KDM4C: variants seen among roughly 807,000 people sequenced by gnomAD.
The protein encoded by KDM4C is lysine demethylase 4C, also known as lysine-specific demethylase 4C.
A neutral mutation model predicts 129.3 loss-of-function variants in KDM4C; 81 were observed. The observed-to-expected ratio is 0.63, with a 90% CI of 0.52 to 0.75. The LOEUF (loss-of-function observed/expected upper bound fraction) is 0.75, where lower values mean the gene tolerates loss of function less well. KDM4C is among the 30% of genes least tolerant of loss of function. The probability of loss-of-function intolerance (pLI) is 0.00; values close to 1 mark genes in which losing one functional copy is unlikely to be tolerated. For missense variants in KDM4C, 1,457 were observed against 1,304.0 expected (o/e 1.12, Z -1.81); for synonymous variants, 573 against 456.1 (o/e 1.26, Z -3.26).
At chr9:7,109,495 T>C (rs1167612088) in intron 18 of KDM4C, among the ~76,000 whole-genome samples, 3 of 152,200 alleles carry the variant, frequency 2.0e-5, no homozygotes, top group Non-Finnish European at 2.9e-5. Flanking sequence ...GGATTTTTAT[T>C]TGGAAGGCCA....
At chr9:6,730,547 G>A (rs1403599918) in intron 1 of KDM4C, among the ~76,000 whole-genome samples, 2 of 151,586 alleles carry the variant, frequency 1.3e-5, no homozygotes, top group African/African-American at 2.4e-5. Flanking sequence ...CCCGGGAGGC[G>A]GAGCTTGCAG....
chr9:7,168,203 A>G (rs1844602961), intron 20 of KDM4C, among the ~76,000 whole-genome samples: 1 of 152,172 alleles, frequency 6.6e-6, no homozygotes, highest in South Asian at 2.1e-4. Context: ...GAAAACCAAA[A>G]ACCAAAAAAA....
At chr9:7,009,209 C>T (rs930497280) in intron 12 of KDM4C, among the ~76,000 whole-genome samples, 7 of 152,112 alleles carry the variant, frequency 4.6e-5, no homozygotes, top group Non-Finnish European at 2.9e-5. Context: ...TAAAAGAGAA[C>T]CAAACATATT....
At chr9:6,836,991 C>T (rs1040764974) in intron 4 of KDM4C, among the ~76,000 whole-genome samples, 2 of 152,126 alleles carry the variant, frequency 1.3e-5, no homozygotes, top group Admixed American at 1.3e-4. Context: ...GAGTATTTAA[C>T]TTTACCAGAT....
At chr9:6,928,292 C>T (rs1415562951) in intron 8 of KDM4C, among the ~76,000 whole-genome samples, 1 of 152,224 alleles carries the variant, frequency 6.6e-6, no homozygotes, top group Non-Finnish European at 1.5e-5. Flanking sequence ...AGCCAAAGAG[C>T]TCTGTCCTGA....
Position 6,763,708 on chromosome 9 carries a change from T to G in KDM4C, c.-18+5505T>G, listed in dbSNP as rs780620301. Among the ~76,000 whole-genome samples, 61 of 152,174 alleles carry G rather than the reference T, an allele frequency of 4.0e-4. 1 individual carries two copies. Among genetic ancestry groups the G allele is most frequent in the Non-Finnish European group, 5.0e-4 (34 of 68,028 alleles). ...AGAAAAGCTGGGAAACAGGAGAAGA[T>G]AGAGGAAAAAGAAAAATAATCAGTT... is the stretch of plus-strand genomic sequence containing the variant. On this transcript the variant is annotated intron_variant, in intron 1 of 21. Transcript: ENST00000381309.
At chr9:6,828,072 T>C (rs1010758666) in intron 4 of KDM4C, among the ~76,000 whole-genome samples, 2 of 152,152 alleles carry the variant, frequency 1.3e-5, no homozygotes, top group Non-Finnish European at 2.9e-5. Flanking sequence ...GCCCATGTGG[T>C]TGTTGCCCCT....
At chr9:7,059,239 T>C (rs1831282282) in intron 17 of KDM4C, among the ~76,000 whole-genome samples, 1 of 152,162 alleles carries the variant, frequency 6.6e-6, no homozygotes, top group African/African-American at 2.4e-5. Context: ...AGCCTGTATC[T>C]CCTGGGCTTA....
intron 4 of KDM4C, among the ~76,000 whole-genome samples, chr9:6,844,158 C>T (rs1463523881): frequency 2.0e-5 from 3 of 152,146 alleles, no homozygotes; most frequent in Non-Finnish European, 4.4e-5. Flanking sequence ...AGCTTTTTCT[C>T]TGTTTTTCAG....
chr9:7,100,139 G>T (rs940840589), intron 17 of KDM4C, among the ~76,000 whole-genome samples: 1 of 152,128 alleles, frequency 6.6e-6, no homozygotes, highest in Admixed American at 6.6e-5. Flanking sequence ...GCTCATGCCT[G>T]TAATCCCAAC....
intron 8 of KDM4C, among the ~76,000 whole-genome samples, chr9:6,919,227 T>C (rs946852800): frequency 7.1e-5 from 6 of 84,364 alleles, no homozygotes; most frequent in Non-Finnish European, 1.6e-4. Flanking sequence ...TTTTTCCTTC[T>C]TTCTTTCTTT....
chr9:6,760,447 A>G (rs1017806062), intron 1 of KDM4C, among the ~76,000 whole-genome samples: 9 of 146,728 alleles, frequency 6.1e-5, no homozygotes, highest in African/African-American at 1.5e-4. Context: ...ACTCTTGGGT[A>G]TATATATATA....
chr9:7,010,841 C>A (rs772421554), intron 12 of KDM4C, among the ~76,000 whole-genome samples: 1 of 152,018 alleles, frequency 6.6e-6, no homozygotes, highest in Admixed American at 6.6e-5. Context: ...GTCAGGAGTT[C>A]TAGACCAGCC....
intron 1 of KDM4C, among the ~76,000 whole-genome samples, chr9:6,744,531 A>G (rs1747711689): frequency 6.6e-6 from 1 of 152,206 alleles, no homozygotes; most frequent in African/African-American, 2.4e-5. Flanking sequence ...CTCAAAAAAA[A>G]GAAAAAGAAA....
intron 17 of KDM4C, among the ~76,000 whole-genome samples, chr9:7,070,835 A>G (rs974031127): frequency 1.3e-5 from 2 of 152,184 alleles, no homozygotes; most frequent in African/African-American, 2.4e-5. Flanking sequence ...ATTCAACCTC[A>G]TACTGAGTGC....
chr9:6,832,741 T>TA, intron 4 of KDM4C, among the ~76,000 whole-genome samples: 1 of 121,924 alleles, frequency 8.2e-6, no homozygotes, highest in Non-Finnish European at 1.7e-5. Context: ...TTTTTTTTTT[T>TA]ACGGAGATGG....
chr9:6,843,040 G>A (rs564077510), intron 4 of KDM4C, among the ~76,000 whole-genome samples: 10 of 152,086 alleles, frequency 6.6e-5, no homozygotes, highest in African/African-American at 2.2e-4. Context: ...AGTGATTCTC[G>A]TGCCTCAGCC....
At chr9:6,746,857 T>G (rs910418075) in intron 1 of KDM4C, among the ~76,000 whole-genome samples, 1 of 149,620 alleles carries the variant, frequency 6.7e-6, no homozygotes, top group Admixed American at 6.7e-5. Flanking sequence ...ATACAAAAAA[T>G]TAGCCGGGCG....
At chr9:6,727,466 T>C (rs1817171272) in intron 1 of KDM4C, 1 of 143,004 alleles carries the variant, frequency 7.0e-6, no homozygotes, top group South Asian at 2.2e-4. Flanking sequence ...AATAAATAAA[T>C]AAAAGGAAAG....
Sources: gnomAD v4.1 joint callset for allele counts (sites outside exome capture counted in the v4.1 genomes callset) on GRCh38, gnomAD v4.1.1 for gene constraint, MANE v1.5 for transcripts, NCBI Gene and HGNC (gene_info 2026-07-23, HGNC 2026-07-21) for gene names.